The following SNTG1 variants were observed in gnomAD, a reference collection of about 807,000 sequenced individuals.
The protein encoded by SNTG1 is syntrophin gamma 1, also known as gamma-1-syntrophin.
In SNTG1, 39 loss-of-function variants were observed where a neutral mutation model predicts 74.7. The ratio of observed to expected loss-of-function variants is 0.52; its 90% CI spans 0.40 to 0.68. SNTG1 has a LOEUF of 0.68. Ranked by LOEUF, SNTG1 falls within the 30% of genes least tolerant of loss-of-function variation. SNTG1 has a pLI of 0.00. For missense variants in SNTG1, 685 were observed against 609.5 expected (o/e 1.12, Z -1.30); for synonymous variants, 254 against 217.1 (o/e 1.17, Z -1.49).
chr8:50,336,037 C>G (rs972956802), intron 2 of SNTG1, among the ~76,000 whole-genome samples: 4 of 151,958 alleles, frequency 2.6e-5, no homozygotes, highest in Non-Finnish European at 5.9e-5. Context: ...TTGATGTACA[C>G]CTGTACTTTA....
chr8:50,057,354 C>T (rs542799320), intron 1 of SNTG1, among the ~76,000 whole-genome samples: 1 of 152,106 alleles, frequency 6.6e-6, no homozygotes, highest in Non-Finnish European at 1.5e-5. Flanking sequence ...TATACCTTAT[C>T]GGGAGCAATG....
chr8:50,607,369 A>AT (rs144425231), intron 13 of SNTG1, among the ~76,000 whole-genome samples: 313 of 147,484 alleles, frequency 2.1e-3, no homozygotes, highest in African/African-American at 4.3e-3. Context: ...GGTTTTAACT[A>AT]TTTTTTTTTT....
intron 15 of SNTG1, among the ~76,000 whole-genome samples, chr8:50,687,784 A>G (rs574750427): frequency 1.3e-5 from 2 of 151,900 alleles, no homozygotes; most frequent in East Asian, 1.9e-4. Flanking sequence ...ATGTGTTCTC[A>G]TTGTTCAATT....
chr8:50,782,797 C>G (rs1390629893), intron 18 of SNTG1, among the ~76,000 whole-genome samples: 1 of 152,090 alleles, frequency 6.6e-6, no homozygotes, highest in Non-Finnish European at 1.5e-5. Context: ...TTTAGAGTTT[C>G]TAGTTTTTCT....
intron 17 of SNTG1, among the ~76,000 whole-genome samples, chr8:50,739,673 G>A (rs2095538190): frequency 6.6e-6 from 1 of 151,516 alleles, no homozygotes; most frequent in Non-Finnish European, 1.5e-5. Flanking sequence ...AGAACTTAAA[G>A]TATAATAAAA....
chr8:50,057,686 G>A (rs192950383), intron 1 of SNTG1, among the ~76,000 whole-genome samples: 69 of 152,170 alleles, frequency 4.5e-4, no homozygotes, highest in African/African-American at 1.4e-3. Context: ...AAGTGTCATC[G>A]GAAGCTTCTT....
Position 50,118,732 on chromosome 8 carries a change from G to A in SNTG1, c.-102-53829G>A, listed in dbSNP as rs948124603. Reference sequence around the variant, plus strand: ...TTCCTTTATAGTTTATAAAATTAAAGTGTATTCTTAAATTCCACATTGTTT... The same window carrying A: ...TTCCTTTATAGTTTATAAAATTAAAATGTATTCTTAAATTCCACATTGTTT... On this transcript the variant is annotated intron_variant, in intron 1 of 18. Transcript: ENST00000642720. Among the ~76,000 whole-genome samples, 4 of 142,498 alleles carry A rather than the reference G, an allele frequency of 2.8e-5. 2 individuals carry two copies. The highest frequency in any genetic ancestry group is 6.3e-5 in the Non-Finnish European group (4 of 63,986). 93.5% of individuals were successfully genotyped at this position (142,498 alleles called of 152,430 possible).
chr8:50,279,635 T>C (rs2088318055), intron 2 of SNTG1, among the ~76,000 whole-genome samples: 1 of 152,150 alleles, frequency 6.6e-6, no homozygotes, highest in African/African-American at 2.4e-5. Context: ...TATCAAAAAA[T>C]AGATTAACAA....
chr8:50,488,088 G>A (rs2093814923), intron 8 of SNTG1, among the ~76,000 whole-genome samples: 2 of 152,162 alleles, frequency 1.3e-5, no homozygotes, highest in African/African-American at 2.4e-5. Flanking sequence ...CTTGTTTTCT[G>A]TATCTAGGTA....
chr8:49,919,375 G>A (rs1290218443), intron 1 of SNTG1, among the ~76,000 whole-genome samples: 1 of 152,070 alleles, frequency 6.6e-6, no homozygotes. Context: ...CAAATGACTA[G>A]CATAGTGCAG....
Position 50,141,323 on chromosome 8 carries a change from T to C in SNTG1, c.-102-31238T>C, listed in dbSNP as rs558252003. On this transcript the variant is annotated intron_variant, in intron 1 of 18. Transcript: ENST00000642720. Reference sequence around the variant, plus strand: ...CAGCAACCTGTAAGAGCTTCAGCTCTTCATCCTTGCCAACCCTTAGTCTGC... The same window carrying C: ...CAGCAACCTGTAAGAGCTTCAGCTCCTCATCCTTGCCAACCCTTAGTCTGC... Among the ~76,000 whole-genome samples the C allele has an allele frequency of 1.1e-4, 17 of 152,320 alleles. No individual in the cohort carries two copies. In the East Asian group the frequency reaches 3.3e-3, roughly 29 times the overall value.
chr8:50,404,101 G>A (rs1022048535), intron 4 of SNTG1, among the ~76,000 whole-genome samples: 2 of 151,982 alleles, frequency 1.3e-5, no homozygotes, highest in Non-Finnish European at 2.9e-5. Context: ...CTGAGAATAA[G>A]GACAATAGCC....
chr8:50,515,465 C>G (rs1322019707), intron 9 of SNTG1, among the ~76,000 whole-genome samples: 1 of 143,724 alleles, frequency 7.0e-6, no homozygotes. Flanking sequence ...CATTCACTCC[C>G]CTGGAAAGGG....
intron 2 of SNTG1, among the ~76,000 whole-genome samples, chr8:50,373,405 A>G (rs956970440): frequency 2.0e-5 from 3 of 152,166 alleles, no homozygotes; most frequent in African/African-American, 7.2e-5. Context: ...ACAGCTCTCC[A>G]TATTAATTTT....
chr8:50,419,228 A>G (rs750508934), intron 4 of SNTG1, among the ~76,000 whole-genome samples: 47 of 152,148 alleles, frequency 3.1e-4, no homozygotes, highest in Non-Finnish European at 5.0e-4. Context: ...TTAACAAGAA[A>G]ATAAATTCTT....
chr8:49,934,781 T>C (rs1213472843), intron 1 of SNTG1, among the ~76,000 whole-genome samples: 2 of 152,174 alleles, frequency 1.3e-5, no homozygotes, highest in African/African-American at 4.8e-5. Context: ...GTAAATAAGT[T>C]GGTTTAAAAT....
chr8:49,925,157 A>G (rs558300326), intron 1 of SNTG1, among the ~76,000 whole-genome samples: 1 of 152,158 alleles, frequency 6.6e-6, no homozygotes, highest in Non-Finnish European at 1.5e-5. Context: ...TGTCTCTAAA[A>G]AAGTAAATAA....
At chr8:50,174,561 C>A (rs1563695265) in intron 2 of SNTG1, among the ~76,000 whole-genome samples, 1 of 152,080 alleles carries the variant, frequency 6.6e-6, no homozygotes. Context: ...CAAAAATAAC[C>A]CTTTCTAACG....
chr8:50,649,376 G>A (rs2095130210), intron 13 of SNTG1, among the ~76,000 whole-genome samples: 2 of 152,104 alleles, frequency 1.3e-5, no homozygotes, highest in Non-Finnish European at 2.9e-5. Context: ...GTGCGTGCCT[G>A]TAATCCCAGC....
Sources: allele counts gnomAD v4.1 joint callset (sites outside exome capture counted in the v4.1 genomes callset), GRCh38; gene constraint gnomAD v4.1.1; transcripts MANE v1.5; gene names NCBI Gene and HGNC (gene_info 2026-07-23, HGNC 2026-07-21).